C1QTNF6: variants seen among roughly 807,000 people sequenced by gnomAD.
The protein encoded by C1QTNF6 is complement C1q tumor necrosis factor-related protein 6.
Under a neutral mutation model 20.7 loss-of-function variants are expected in C1QTNF6, and 17 were observed. The observed-to-expected ratio is 0.82, with a 90% CI of 0.56 to 1.23. The LOEUF (loss-of-function observed/expected upper bound fraction) is 1.23. Among genes scored for constraint, C1QTNF6 ranks in the 50% most tolerant of loss-of-function variants. The pLI, the probability that C1QTNF6 is intolerant of heterozygous loss-of-function variation, is 0.00. For synonymous variants in C1QTNF6, 130 were observed against 156.3 expected, an observed-to-expected ratio of 0.83 and a Z score of 1.25; for missense variants, 329 against 389.7, an observed-to-expected ratio of 0.84 and a Z score of 1.31.
intron 1 of C1QTNF6, among the ~76,000 whole-genome samples, chr22:37,187,085 C>T (rs984973321): frequency 2.6e-5 from 4 of 152,058 alleles, no homozygotes; most frequent in Non-Finnish European, 2.9e-5. Flanking sequence ...ATAAATAAAG[C>T]GGCAGGAGCC....
chr22:37,197,275 G>A (rs576972579), intron 1 of C1QTNF6: 1 of 152,428 alleles, frequency 6.6e-6, no homozygotes, highest in Non-Finnish European at 1.5e-5. Context: ...CAGAGCCAGG[G>A]CTGCAGAGGG....
chr22:37,182,681 C>T lies in C1QTNF6; in HGVS notation c.344G>A (p.Gly115Asp), dbSNP rs1478773389. Residue 115 changes from glycine (G) to aspartate (D), a missense_variant, in exon 3 of 3, where the codon GGT (glycine) becomes GAT (aspartate). By Grantham distance (94) the Gly-to-Asp change is moderately conservative (BLOSUM62 -1). Transcript: ENST00000337843. The part of the protein sequence containing the change: ...MGLPGYMGRE[G>D]PQGEPGPQGS... ...CTGAGGGCCAGGCTCCCCTTGGGGA[C>T]CCTCCCTGCCCATGTACCCTGGCAG... 6.2e-7 allele frequency: 1 copy of T among 1,612,722 alleles called. No individual in the cohort carries two copies. Among genetic ancestry groups the T allele is most frequent in the African/African-American group, 1.3e-5 (1 of 74,930 alleles).
chr22:37,185,825 T>C (rs576631209), intron 1 of C1QTNF6: 2 of 999,192 alleles, frequency 2.0e-6, no homozygotes, highest in African/African-American at 1.7e-5. Flanking sequence ...CAGCTGGCCA[T>C]GGGTGGCAAC....
upstream of C1QTNF6, chr22:37,191,704 A>G (rs1240479380): frequency 6.6e-6 from 1 of 152,224 alleles, no homozygotes; most frequent in Non-Finnish European, 1.5e-5. Flanking sequence ...TCCAAAAAAA[A>G]CTGTCTCTTT....
At chr22:37,186,061 A>T (rs765604799) in intron 1 of C1QTNF6, 2 of 985,408 alleles carry the variant, frequency 2.0e-6, no homozygotes, top group East Asian at 1.1e-4. Flanking sequence ...AAAAAAAGAG[A>T]TAAGAGAGTT....
chr22:37,185,479 G>A (rs1156882539), intron 1 of C1QTNF6, 24 bp from the exon 2 acceptor site: 3 of 1,570,170 alleles, frequency 1.9e-6, no homozygotes, highest in Non-Finnish European at 2.6e-6. Context: ...GGAGGGACAG[G>A]AACTATACTT....
In C1QTNF6 at chr22:37,188,200, C is replaced by G. The variant is rs983332228; in HGVS notation, c.14G>C (p.Arg5Thr). 6.2e-7 allele frequency: 1 copy of G among 1,609,282 alleles called. No homozygotes were observed. Among genetic ancestry groups the G allele is most frequent in the Non-Finnish European group, 8.5e-7 (1 of 1,177,730 alleles). ...GGCCTCCCCAGGCGACTCACGGACC[C>G]TGAGCCACTGCATGGCCTCTGGCTC... MQWLRVRESPGEATG... is the reference protein window; with the variant it reads MQWLTVRESPGEATG... Residue 5 changes from arginine (R) to threonine (T), a missense_variant, in exon 1 of 3, where the codon AGG becomes ACG. Transcript: ENST00000337843.
upstream of C1QTNF6, chr22:37,199,413 G>C (rs1925357052): frequency 6.6e-6 from 1 of 152,498 alleles, no homozygotes; most frequent in Non-Finnish European, 1.5e-5. Flanking sequence ...CCACAGCCGC[G>C]CCGGGAAACT....
chr22:37,189,316 G>A (rs935732475), upstream of C1QTNF6, among the ~76,000 whole-genome samples: 4 of 152,160 alleles, frequency 2.6e-5, no homozygotes, highest in African/African-American at 9.7e-5. Context: ...TTTCTCAGCA[G>A]GGTCTTGATG....
At position 37,181,432 on chromosome 22, in the gene C1QTNF6, A is replaced by T. The variant is rs1415175404; in HGVS notation, c.*756T>A. The T allele has an allele frequency of 6.6e-6, 1 of 152,404 alleles. No individual in the cohort carries two copies. Among genetic ancestry groups the T allele is most frequent in the African/African-American group, 2.4e-5 (1 of 41,452 alleles). 9.4% of individuals were successfully genotyped at this position (152,404 alleles called of 1,614,324 possible). ...GCCAGGCACGGTGGCTCACACCTGTAATCCCAGCATTTTGAGAGGCCGAGG... is the reference window on the plus strand; with the variant it reads ...GCCAGGCACGGTGGCTCACACCTGTTATCCCAGCATTTTGAGAGGCCGAGG... On this transcript the variant is annotated 3_prime_UTR_variant, in exon 3 of 3. Transcript: ENST00000337843.
chr22:37,184,235 G>A lies in C1QTNF6; in HGVS notation c.289+983C>T. The A allele has an allele frequency of 1.5e-6, 1 of 661,842 alleles. No individual in the cohort carries two copies. The allele number at this position is 661,842 out of a possible 1,614,324, so 41.0% of individuals were successfully genotyped here. On this transcript the variant is annotated intron_variant, in intron 2 of 2. Coordinates refer to ENST00000337843, the MANE Select transcript of C1QTNF6 (RefSeq NM_031910.4). This position sits in a 1 kb window ranked among gnomAD's most constrained non-coding sequence, Gnocchi z 4.0. ...TGGCTGTGCAGTGAGTGTCCCCGGGGAGAGCTCAGGAACAAATCCTGGCTC... is the reference window on the plus strand; with the variant it reads ...TGGCTGTGCAGTGAGTGTCCCCGGGAAGAGCTCAGGAACAAATCCTGGCTC...
chr22:37,188,065 G>C (rs547351782), intron 1 of C1QTNF6, 98 bp downstream of exon 1: 2 of 1,302,860 alleles, frequency 1.5e-6, no homozygotes, highest in Admixed American at 2.1e-5. Context: ...CAGAGGGAGA[G>C]AGCAGGGCCC....
chr22:37,183,644 G>T (rs6000599), intron 2 of C1QTNF6, among the ~76,000 whole-genome samples: 2,766 of 152,346 alleles, frequency 0.018, 94 homozygotes, highest in African/African-American at 0.063. Flanking sequence ...TTTTCCACAG[G>T]GGGGGAAGGG....
At chr22:37,191,672 C>A (rs745476695), upstream of C1QTNF6, 1 of 152,096 alleles carries the variant, frequency 6.6e-6, no homozygotes, top group African/African-American at 2.4e-5. Flanking sequence ...CTTTACTCAC[C>A]GATAAAGGGA....
At chr22:37,196,992 G>A (rs1009988051) in intron 1 of C1QTNF6, 1 of 152,248 alleles carries the variant, frequency 6.6e-6, no homozygotes, top group Non-Finnish European at 1.5e-5. Flanking sequence ...CTGACCAGCA[G>A]GGACACTGTG....
At chr22:37,187,042 C>T (rs1281052894) in intron 1 of C1QTNF6, among the ~76,000 whole-genome samples, 3 of 151,988 alleles carry the variant, frequency 2.0e-5, no homozygotes, top group African/African-American at 7.3e-5. Flanking sequence ...ATAGTGAGAC[C>T]CTGTCTCTAT....
rs187544765 is a variant in C1QTNF6 at position 37,184,143 on chromosome 22, G to A, written c.289+1075C>T. On this transcript the variant is annotated intron_variant, in intron 2 of 2. Coordinates refer to ENST00000337843, the MANE Select transcript of C1QTNF6 (RefSeq NM_031910.4). This position sits in a 1 kb window ranked among gnomAD's most constrained non-coding sequence, Gnocchi z 4.0. ...CTGGGGAAGCTGGGTGGGGAGGGGG[G>A]TGTGAGGAAGAGCAACGTCCTCACC... Among the ~76,000 whole-genome samples, 1 of 152,066 alleles carries A rather than the reference G, an allele frequency of 6.6e-6. No homozygotes were observed. Among genetic ancestry groups the A allele is most frequent in the South Asian group, 2.1e-4 (1 of 4,822 alleles).
chr22:37,185,493 T>A, intron 1 of C1QTNF6, 38 bp from the exon 2 acceptor site: 1 of 1,545,744 alleles, frequency 6.5e-7, no homozygotes, highest in Non-Finnish European at 8.7e-7. Flanking sequence ...TATACTTCAC[T>A]CAACATCTAC....
At chr22:37,186,148 C>A in intron 1 of C1QTNF6, 1 of 985,458 alleles carries the variant, frequency 1.0e-6, no homozygotes, top group Non-Finnish European at 1.2e-6. Context: ...CATTGCATCG[C>A]TGAGCAGTCA....
Sources: allele counts gnomAD v4.1 joint callset (sites outside exome capture counted in the v4.1 genomes callset), GRCh38; gene constraint gnomAD v4.1.1; non-coding constraint Gnocchi (gnomAD v3.1); transcripts MANE v1.5; gene names NCBI Gene and HGNC (gene_info 2026-07-23, HGNC 2026-07-21).